CDH18: variants seen among roughly 807,000 people sequenced by gnomAD.
CDH18 encodes cadherin-18.
A neutral mutation model predicts 67.9 loss-of-function variants in CDH18; 31 were observed. The ratio of observed to expected loss-of-function variants is 0.46; its 90% confidence interval spans 0.34 to 0.62. CDH18 has a LOEUF of 0.62. Among genes scored for constraint, CDH18 ranks in the 20% least tolerant of loss-of-function variants. The pLI, the probability that CDH18 is intolerant of heterozygous loss-of-function variation, is 0.01. For synonymous variants in CDH18, 362 were observed against 347.2 expected (o/e 1.04, Z -0.48); for missense variants, 890 against 975.5 (o/e 0.91, Z 1.17).
At chr5:19,933,870 C>T (rs1250359897) in intron 2 of CDH18, among the ~76,000 whole-genome samples, 1 of 151,338 alleles carries the variant, frequency 6.6e-6, no homozygotes, top group Non-Finnish European at 1.5e-5. Flanking sequence ...ATAAAATGTA[C>T]TCTTGTGGCT....
At chr5:20,070,358 G>GT (rs559885767) in intron 2 of CDH18, among the ~76,000 whole-genome samples, 8 of 152,106 alleles carry the variant, frequency 5.3e-5, no homozygotes, top group South Asian at 4.2e-4. Flanking sequence ...CTAATAAAGG[G>GT]TTTTTTTGGT....
chr5:20,280,399 C>T (rs1407346754), intron 1 of CDH18, among the ~76,000 whole-genome samples: 2 of 152,076 alleles, frequency 1.3e-5, no homozygotes, highest in Non-Finnish European at 2.9e-5. Context: ...TGATGTTCCC[C>T]TTCCTGTGAC....
chr5:19,899,580 T>C (rs1789714518), intron 2 of CDH18, among the ~76,000 whole-genome samples: 1 of 152,116 alleles, frequency 6.6e-6, no homozygotes, highest in Non-Finnish European at 1.5e-5. Context: ...ACAATTACCA[T>C]AGAATTCAGC....
chr5:20,481,707 G>A (rs906719651), intron 1 of CDH18, among the ~76,000 whole-genome samples: 1 of 151,876 alleles, frequency 6.6e-6, no homozygotes, highest in African/African-American at 2.4e-5. Flanking sequence ...AAAGATTAGT[G>A]GGTCAAAAAA....
intron 1 of CDH18, among the ~76,000 whole-genome samples, chr5:20,371,024 G>A (rs6865284): frequency 3.6e-4 from 52 of 145,412 alleles, no homozygotes; most frequent in African/African-American, 1.3e-3. Context: ...GCGACAGGGC[G>A]AGACTCTGTC....
intron 2 of CDH18, among the ~76,000 whole-genome samples, chr5:19,939,246 CTT>C (rs1305035490): frequency 6.6e-6 from 1 of 151,190 alleles, no homozygotes; most frequent in African/African-American, 2.4e-5. Flanking sequence ...TATACTTTTT[CTT>C]TTTCTTTTCT....
At chr5:20,244,228 T>A (rs1172474880) in intron 2 of CDH18, among the ~76,000 whole-genome samples, 1 of 152,090 alleles carries the variant, frequency 6.6e-6, no homozygotes, top group South Asian at 2.1e-4. Context: ...TCATGTTGCA[T>A]GATCTAACTT....
chr5:20,333,516 AAAC>A (rs1313051720), intron 1 of CDH18, among the ~76,000 whole-genome samples: 5 of 129,816 alleles, frequency 3.9e-5, no homozygotes, highest in South Asian at 2.6e-4. Flanking sequence ...AAAAAAAAAA[AAAC>A]AATATATATA....
At chr5:19,916,224 A>C (rs2150152346) in intron 2 of CDH18, among the ~76,000 whole-genome samples, 1 of 152,274 alleles carries the variant, frequency 6.6e-6, no homozygotes, top group Middle Eastern at 3.4e-3. Context: ...GAGCACTGCA[A>C]GATCTGGCCT....
chr5:19,632,861 G>T (rs936475478), intron 5 of CDH18, among the ~76,000 whole-genome samples: 1 of 152,110 alleles, frequency 6.6e-6, no homozygotes, highest in African/African-American at 2.4e-5. Flanking sequence ...TTCTACAGGT[G>T]CTTCCTCTTC....
chr5:20,114,660 T>G (rs1339158119), intron 2 of CDH18, among the ~76,000 whole-genome samples: 2 of 152,128 alleles, frequency 1.3e-5, no homozygotes, highest in Non-Finnish European at 2.9e-5. Flanking sequence ...GAGGGTATAC[T>G]CTAAGTTCCT....
intron 1 of CDH18, among the ~76,000 whole-genome samples, chr5:20,271,540 G>A (rs989226300): frequency 6.6e-6 from 1 of 151,866 alleles, no homozygotes; most frequent in South Asian, 2.1e-4. Context: ...ATTTACCCCA[G>A]AAATAGGTAC....
intron 2 of CDH18, among the ~76,000 whole-genome samples, chr5:20,232,283 T>C (rs1327846952): frequency 6.6e-6 from 1 of 152,126 alleles, no homozygotes; most frequent in Non-Finnish European, 1.5e-5. Flanking sequence ...ACAAATGATC[T>C]ATATGTTTCA....
chr5:19,473,670 G>A lies in CDH18; in HGVS notation c.1929C>T (p.Pro643=), dbSNP rs759963579. The A allele has an allele frequency of 1.4e-5, 23 of 1,613,476 alleles. No homozygotes were observed. The highest frequency in any genetic ancestry group is 3.3e-5 in the Admixed American group (2 of 59,966). ...FITLRRSKKE[P]LIISEEDVRE... ...GTACATCCTCTTCTGAAATGATCAA[G>A]GGCTCTTTTTTGCTGCGCCTCAGGG... The change falls in exon 13 of 13, where the codon CCC becomes CCT. Residue 643 remains proline (P), a synonymous_variant. Coordinates refer to ENST00000382275, the MANE Select transcript of CDH18 (RefSeq NM_004934.5).
At chr5:20,106,619 T>C (rs967666413) in intron 2 of CDH18, among the ~76,000 whole-genome samples, 5 of 152,216 alleles carry the variant, frequency 3.3e-5, no homozygotes, top group Non-Finnish European at 7.3e-5. Flanking sequence ...CAAAATTAAA[T>C]GTGTTGGAAA....
At chr5:19,738,681 C>T (rs1041976575) in intron 4 of CDH18, among the ~76,000 whole-genome samples, 2 of 152,112 alleles carry the variant, frequency 1.3e-5, no homozygotes, top group African/African-American at 4.8e-5. Flanking sequence ...GTCTGGCCTA[C>T]ATTCATAAAA....
At chr5:19,976,019 C>T (rs1200441091) in intron 2 of CDH18, among the ~76,000 whole-genome samples, 2 of 152,138 alleles carry the variant, frequency 1.3e-5, no homozygotes, top group East Asian at 1.9e-4. Context: ...CAAGAACTGC[C>T]TCTGAAGTTG....
At chr5:20,048,036 C>T (rs533605719) in intron 2 of CDH18, among the ~76,000 whole-genome samples, 2 of 151,822 alleles carry the variant, frequency 1.3e-5, no homozygotes, top group East Asian at 1.9e-4. Flanking sequence ...TTAGTTATCA[C>T]TATTATTAAA....
intron 9 of CDH18, among the ~76,000 whole-genome samples, chr5:19,523,443 A>G (rs1214977909): frequency 6.6e-6 from 1 of 152,164 alleles, no homozygotes; most frequent in Admixed American, 6.5e-5. Context: ...TAACTGACAA[A>G]GGACTTGTAT....
Sources: gnomAD v4.1 joint callset for allele counts (sites outside exome capture counted in the v4.1 genomes callset) on GRCh38, gnomAD v4.1.1 for gene constraint, MANE v1.5 for transcripts, NCBI Gene and HGNC (gene_info 2026-07-23, HGNC 2026-07-21) for gene names.